The following PHF14 variants were observed in gnomAD, a reference collection of about 807,000 sequenced individuals.
The protein encoded by PHF14 is PHD finger protein 14.
A neutral mutation model predicts 117.9 loss-of-function variants in PHF14; 55 were observed. The observed-to-expected ratio is 0.47, with a 90% CI of 0.38 to 0.58. The LOEUF is 0.58. Ranked by LOEUF, PHF14 falls within the 20% of genes least tolerant of loss-of-function variation. The pLI is 0.00. For synonymous variants in PHF14, 409 were observed against 368.6 expected (o/e 1.11, Z -1.26); for missense variants, 978 against 1,122.2 (o/e 0.87, Z 1.84).
At chr7:11,013,131 C>G (rs1783409697) in intron 4 of PHF14, among the ~76,000 whole-genome samples, 1 of 152,174 alleles carries the variant, frequency 6.6e-6, no homozygotes, top group East Asian at 1.9e-4. Flanking sequence ...AATCTAAATT[C>G]TTTAATGACA....
intron 17 of PHF14, among the ~76,000 whole-genome samples, chr7:11,121,212 T>C (rs934880011): frequency 3.9e-5 from 6 of 152,162 alleles, no homozygotes; most frequent in Non-Finnish European, 2.9e-5. Flanking sequence ...AGGATGGATA[T>C]GTTGGAAAAT....
chr7:11,051,017 GA>G (rs1181025222), intron 13 of PHF14, among the ~76,000 whole-genome samples: 1 of 152,044 alleles, frequency 6.6e-6, no homozygotes, highest in African/African-American at 2.4e-5. Flanking sequence ...GTCATTTAAA[GA>G]AAAGTCATGC....
intron 16 of PHF14, chr7:11,106,374 G>C: frequency 1.0e-6 from 1 of 974,974 alleles, no homozygotes. Flanking sequence ...AGCCCTCCAC[G>C]TTAGTCTTAT....
At chr7:11,068,779 A>G (rs1042493982) in intron 16 of PHF14, among the ~76,000 whole-genome samples, 1 of 152,202 alleles carries the variant, frequency 6.6e-6, no homozygotes, top group Non-Finnish European at 1.5e-5. Flanking sequence ...CATGGGATTT[A>G]GTGGCAGGGA....
chr7:11,057,652 G>A (rs1785063692), intron 14 of PHF14, among the ~76,000 whole-genome samples: 1 of 152,178 alleles, frequency 6.6e-6, no homozygotes, highest in Non-Finnish European at 1.5e-5. Context: ...AAGATCACAG[G>A]CCTGAGCCAC....
At chr7:10,996,875 G>A (rs975852961) in intron 4 of PHF14, among the ~76,000 whole-genome samples, 8 of 152,198 alleles carry the variant, frequency 5.3e-5, no homozygotes, top group African/African-American at 1.4e-4. Context: ...ACATACAGGA[G>A]CAAGTATGCC....
intron 17 of PHF14, among the ~76,000 whole-genome samples, chr7:11,133,433 C>T (rs1162050665): frequency 6.6e-6 from 1 of 151,816 alleles, no homozygotes; most frequent in African/African-American, 2.4e-5. Context: ...GCAGCAAAGG[C>T]AATTCAGTAA....
At chr7:11,116,667 C>G (rs1263216217) in intron 17 of PHF14, among the ~76,000 whole-genome samples, 1 of 151,748 alleles carries the variant, frequency 6.6e-6, no homozygotes. Context: ...AACTTTTAAA[C>G]TGAATTGTTC....
rs565177139 is a variant in PHF14, at chr7:10,985,687, CTG to C, written c.900+2530_900+2531del. 3.8e-4 allele frequency among the ~76,000 whole-genome samples: 40 copies of C among 106,442 alleles called. No homozygotes were observed. The South Asian group carries it at 0.01, about 27-fold the overall frequency. 69.8% of individuals were successfully genotyped at this position (106,442 alleles called of 152,430 possible). A position where few individuals can be genotyped will look rare whatever the true frequency, so the allele number is the denominator to read the frequency against. On this transcript the variant is annotated intron_variant, in intron 3 of 17. Coordinates refer to ENST00000634607, the MANE Select transcript of PHF14 (RefSeq NM_001007157.2). ...TTTTTTTTGGAGACAGGGTCTCACTCTGTTGCCTAGGCTGGAGTACAGTGGCA... is the reference window on the plus strand; with the variant it reads ...TTTTTTTTGGAGACAGGGTCTCACTCTTGCCTAGGCTGGAGTACAGTGGCA...
chr7:10,998,990 C>T (rs995107858), intron 4 of PHF14, among the ~76,000 whole-genome samples: 11 of 152,126 alleles, frequency 7.2e-5, no homozygotes, highest in African/African-American at 2.7e-4. Flanking sequence ...ATTGGGAAAT[C>T]GTACACATTT....
intron 6 of PHF14, 127 bp downstream of exon 6, chr7:11,023,106 T>A: frequency 1.9e-6 from 1 of 519,414 alleles, no homozygotes; most frequent in Non-Finnish European, 3.4e-6. Flanking sequence ...TAGCACTAAA[T>A]CATTTATTAT....
At chr7:10,997,260 T>C (rs950572433) in intron 4 of PHF14, among the ~76,000 whole-genome samples, 5 of 152,160 alleles carry the variant, frequency 3.3e-5, no homozygotes, top group African/African-American at 9.7e-5. Flanking sequence ...TCACTGAATT[T>C]AGTAACATGA....
intron 17 of PHF14, among the ~76,000 whole-genome samples, chr7:11,144,251 G>T (rs554039614): frequency 6.6e-5 from 10 of 152,126 alleles, no homozygotes; most frequent in Middle Eastern, 3.4e-3. Flanking sequence ...GGGAAATCTT[G>T]TATACTGTTG....
At chr7:11,123,313 T>C (rs2128346713) in intron 17 of PHF14, among the ~76,000 whole-genome samples, 1 of 152,280 alleles carries the variant, frequency 6.6e-6, no homozygotes, top group South Asian at 2.1e-4. Flanking sequence ...TAAATTTACA[T>C]ATATGGTTTA....
intron 3 of PHF14, among the ~76,000 whole-genome samples, chr7:10,985,606 C>T (rs1489436842): frequency 1.4e-5 from 2 of 145,828 alleles, no homozygotes; most frequent in African/African-American, 5.1e-5. Context: ...GCTGCAGACC[C>T]TGAAATACTC....
At chr7:11,112,194 G>A (rs1282920498) in intron 17 of PHF14, among the ~76,000 whole-genome samples, 4 of 152,094 alleles carry the variant, frequency 2.6e-5, no homozygotes, top group Admixed American at 2.0e-4. Context: ...GTCAACTGTA[G>A]ATTAATCCGA....
chr7:11,081,925 C>G (rs1169177826), intron 16 of PHF14, among the ~76,000 whole-genome samples: 1 of 151,794 alleles, frequency 6.6e-6, no homozygotes, highest in African/African-American at 2.4e-5. Flanking sequence ...AAGCTTTTCT[C>G]TATCTTCATA....
chr7:11,064,986 T>C (rs778392956), intron 16 of PHF14, among the ~76,000 whole-genome samples: 10 of 152,102 alleles, frequency 6.6e-5, no homozygotes, highest in Admixed American at 5.9e-4. Flanking sequence ...GAAATAAAGG[T>C]CACAATTGGT....
chr7:11,075,830 G>A (rs1785827612), intron 16 of PHF14, among the ~76,000 whole-genome samples: 1 of 151,928 alleles, frequency 6.6e-6, no homozygotes, highest in Admixed American at 6.6e-5. Flanking sequence ...TTAAGTAACT[G>A]CTTAAAAGTT....
Sources: gnomAD v4.1 joint callset for allele counts (sites outside exome capture counted in the v4.1 genomes callset) on GRCh38, gnomAD v4.1.1 for gene constraint, MANE v1.5 for transcripts, NCBI Gene and HGNC (gene_info 2026-07-23, HGNC 2026-07-21) for gene names.